Variants in BEST1 observed in about 807,000 individuals in gnomAD.
BEST1 encodes bestrophin 1.
BEST1 carries 58 observed loss-of-function variants against 63.3 expected under a neutral mutation model. The ratio of observed to expected loss-of-function variants is 0.92; its 90% CI spans 0.74 to 1.14. The LOEUF is 1.14. Ranked by LOEUF, BEST1 falls within the 50% of genes most tolerant of loss-of-function variation. The probability of loss-of-function intolerance (pLI) is 0.00; values close to 1 mark genes in which losing one functional copy is unlikely to be tolerated. For missense variants in BEST1, 671 were observed against 740.1 expected, an observed-to-expected ratio of 0.91 and a Z score of 1.08; for synonymous variants, 283 against 291.6, an observed-to-expected ratio of 0.97 and a Z score of 0.30.
chr11:61,957,090 C>G, intron 5 of BEST1, 92 bp downstream of exon 5: 2 of 1,580,938 alleles, frequency 1.3e-6, no homozygotes, highest in Non-Finnish European at 1.7e-6. Flanking sequence ...GCCTTGGGCC[C>G]CTGAGGGTCT....
intron 7 of BEST1, 139 bp downstream of exon 7, chr11:61,958,437 G>A: frequency 6.5e-7 from 1 of 1,545,370 alleles, no homozygotes; most frequent in South Asian, 1.2e-5. Flanking sequence ...GCGCACACCT[G>A]TAATCCCAGC....
In BEST1 at chr11:61,955,941, G is replaced by T. The variant is rs1941286037; in HGVS notation, c.471G>T (p.Leu157=). Residue 157 remains leucine (L), a synonymous_variant, in exon 4 of 11, where the codon CTG becomes CTT. Coordinates refer to ENST00000378043, the MANE Select transcript of BEST1 (RefSeq NM_004183.4). ...VYKRFPSAQH[L]VQAGFMTPAE... is the part of the protein sequence containing the mutation. ...AGCGCTTCCCCAGCGCCCAGCACCT[G>T]GTGCAAGCAGGTGGGCGGACCGGGA... 9 of 1,547,352 alleles carry T rather than the reference G, an allele frequency of 5.8e-6. No homozygotes were observed. The highest frequency in any genetic ancestry group is 7.0e-6 in the Non-Finnish European group (8 of 1,145,104).
Position 61,962,849 on chromosome 11 carries a change from T to C in BEST1, c.1695T>C (p.Thr565=), listed in dbSNP as rs1157927584. ...AACAATCACCAACCAACATACACAC[T>C]ACACTCAAAGATCACATGGATCCTT... is the stretch of plus-strand genomic sequence containing the variant. ...PLEQSPTNIH[T]TLKDHMDPYW... Residue 565 remains threonine (T), a synonymous_variant, in exon 10 of 11, where the codon ACT becomes ACC. Transcript: ENST00000378043. 1.9e-6 allele frequency: 3 copies of C among 1,614,002 alleles called. No homozygotes were observed. Among genetic ancestry groups the C allele is most frequent in the African/African-American group, 1.3e-5 (1 of 74,918 alleles).
intron 10 of BEST1, 163 bp downstream of exon 10, chr11:61,963,056 CT>C: frequency 6.6e-7 from 1 of 1,507,808 alleles, no homozygotes. Context: ...ACTTGGCCAC[CT>C]TCACAGGGAT....
rs138501259 is a variant in BEST1, at chr11:61,962,651, C to T, written c.1497C>T (p.Asp499=). Residue 499 remains aspartate, a synonymous_variant, in exon 10 of 11, where the codon GAC becomes GAT. Transcript: ENST00000378043. ...GTGTCACAGGCATAGACACCAAAGACAAAAGCTTAAAGACTGTGAGTTCTG... is the reference window on the plus strand; with the variant it reads ...GTGTCACAGGCATAGACACCAAAGATAAAAGCTTAAAGACTGTGAGTTCTG... ...LHSVTGIDTK[D]KSLKTVSSGA... is the part of the protein sequence containing the mutation. The T allele has an allele frequency of 1.2e-5, 19 of 1,614,200 alleles. No homozygotes were observed. Among genetic ancestry groups the T allele is most frequent in the Non-Finnish European group, 1.4e-5 (16 of 1,180,028 alleles).
In BEST1 at chr11:61,957,972, T is replaced by TCAAACAAACAAA. The variant is rs71046754; in HGVS notation, c.715-157_715-146dup. On this transcript the variant is annotated intron_variant, in intron 6 of 10. Transcript: ENST00000378043. ...CTGGGCGACACAGCAAGACTCTGTC[T>TCAAACAAACAAA]CAAACAAACAAACAAACAAACAAAC... 0.02 allele frequency among the ~76,000 whole-genome samples: 2,924 copies of TCAAACAAACAAA among 149,694 alleles called. 45 individuals carry two copies. Among genetic ancestry groups the TCAAACAAACAAA allele is most frequent in the Non-Finnish European group, 0.029 (1,925 of 67,484 alleles).
chr11:61,959,722 G>T, intron 8 of BEST1, 144 bp downstream of exon 8: 3 of 1,306,814 alleles, frequency 2.3e-6, no homozygotes, highest in Non-Finnish European at 3.3e-6. Flanking sequence ...TTCACTCACA[G>T]GATTCTCACC....
chr11:61,959,449 C>T (rs1565035999), intron 7 of BEST1, 49 bp from the exon 8 acceptor site: 1 of 1,581,526 alleles, frequency 6.3e-7, no homozygotes. Context: ...GGGAAGCTGG[C>T]TTTGAGGAGT....
Position 61,955,810 on chromosome 11 carries a change from G to A in BEST1, c.340G>A (p.Val114Ile). ...CCTCATGAGCCTGGTGTCGGGCTTC[G>A]TCGAAGGCAAGGACGAGCAAGGCCG... is the stretch of plus-strand genomic sequence containing the variant. ...DRLMSLVSGF[V>I]EGKDEQGRLL... The change falls in exon 4 of 11, where the codon GTC becomes ATC. Residue 114 changes from valine (V) to isoleucine (I), a missense_variant. Coordinates refer to ENST00000378043, the MANE Select transcript of BEST1 (RefSeq NM_004183.4). 2 of 1,550,544 alleles carry A rather than the reference G, an allele frequency of 1.3e-6. No individual in the cohort carries two copies. The highest frequency in any genetic ancestry group is 1.7e-6 in the Non-Finnish European group (2 of 1,146,950).
intron 10 of BEST1, 98 bp from the exon 11 acceptor site, chr11:61,964,006 A>AAG: frequency 6.5e-7 from 1 of 1,537,094 alleles, no homozygotes; most frequent in Non-Finnish European, 8.7e-7. Flanking sequence ...AAAAAAAAAA[A>AAG]GGATCGTCTC....
At chr11:61,963,621 G>C (rs1051361260) in intron 10 of BEST1, 2 of 1,024,668 alleles carry the variant, frequency 2.0e-6, no homozygotes, top group Non-Finnish European at 2.3e-6. Flanking sequence ...TTACTTTCAC[G>C]GTCAGAACAC....
At chr11:61,952,070 C>T in intron 2 of BEST1, 112 bp downstream of exon 2, 1 of 1,314,508 alleles carries the variant, frequency 7.6e-7, no homozygotes, top group Non-Finnish European at 1.1e-6. Context: ...CACTACAAGA[C>T]TAAGCTGAGC....
At chr11:61,952,112 G>A (rs1174738350) in intron 2 of BEST1, among the ~76,000 whole-genome samples, 154 bp downstream of exon 2, 1 of 152,100 alleles carries the variant, frequency 6.6e-6, no homozygotes, top group African/African-American at 2.4e-5. Flanking sequence ...TGGAGCTGAG[G>A]CTGGGGCTGG....
At chr11:61,957,118 G>A in intron 5 of BEST1, 120 bp downstream of exon 5, 1 of 1,450,182 alleles carries the variant, frequency 6.9e-7, no homozygotes, top group Non-Finnish European at 9.5e-7. Context: ...GCCTGAGGTG[G>A]GGTTGCAGAA....
chr11:61,951,197 A>ATTATTTAT (rs112769638), intron 1 of BEST1, among the ~76,000 whole-genome samples: 3,739 of 151,492 alleles, frequency 0.025, 160 homozygotes, highest in African/African-American at 0.086. Context: ...TTGTCATTGT[A>ATTATTTAT]TTATTTATTT....
At chr11:61,959,360 A>C in intron 7 of BEST1, 138 bp from the exon 8 acceptor site, 1 of 821,856 alleles carries the variant, frequency 1.2e-6, no homozygotes. Flanking sequence ...CTGGAGCCCT[A>C]AACTCTGCCT....
rs199508634 is a variant in BEST1, at chr11:61,951,826, G to A, written c.20G>A (p.Ser7Asn). 8.7e-6 allele frequency: 14 copies of A among 1,613,026 alleles called. No individual in the cohort carries two copies. The East Asian group carries it at 3.1e-4, about 36-fold the overall frequency. ...CTGGCCATGACCATCACTTACACAA[G>A]CCAAGTGGCTAATGCCCGCTTAGGC... is the stretch of plus-strand genomic sequence containing the variant. MTITYT[S>N]QVANARLGSF... Residue 7 changes from serine (S) to asparagine (N), a missense_variant, in exon 2 of 11, where the codon AGC becomes AAC. Ser to Asn is a conservative substitution (Grantham distance 46). Coordinates refer to ENST00000378043, the MANE Select transcript of BEST1 (RefSeq NM_004183.4).
intron 1 of BEST1, 39 bp from the exon 2 acceptor site, chr11:61,951,732 G>A: frequency 1.3e-6 from 2 of 1,589,996 alleles, no homozygotes; most frequent in East Asian, 4.5e-5. Context: ...CAGGGCCTCT[G>A]ATCCCTACAA....
In BEST1 at chr11:61,964,376, G is replaced by C. The variant is rs999054523; in HGVS notation, c.*254G>C. 6.9e-6 allele frequency: 5 copies of C among 728,940 alleles called. No homozygotes were observed. In the African/African-American group the frequency reaches 7.1e-5, roughly 10 times the overall value. The allele number at this position is 728,940 out of a possible 1,614,324, so 45.2% of individuals were successfully genotyped here. A position where few individuals can be genotyped will look rare whatever the true frequency, so the allele number is the denominator to read the frequency against. ...ACTCAGACTCTGGATTCAGAGTCGG[G>C]AACCCTTAGTTCTATCTGAATCCAA... On this transcript the variant is annotated 3_prime_UTR_variant, in exon 11 of 11. Transcript: ENST00000378043.
Sources: gnomAD v4.1 joint callset for allele counts (sites outside exome capture counted in the v4.1 genomes callset) on GRCh38, gnomAD v4.1.1 for gene constraint, MANE v1.5 for transcripts, NCBI Gene and HGNC (gene_info 2026-07-23, HGNC 2026-07-21) for gene names.